Variants in FYB2 observed in about 807,000 individuals in gnomAD.
FYB2 encodes FYN-binding protein 2.
Under a neutral mutation model 94.1 loss-of-function variants are expected in FYB2, and 103 were observed. That is an observed-to-expected ratio of 1.09 (90% confidence interval 0.93 to 1.29). The LOEUF (loss-of-function observed/expected upper bound fraction) is 1.29, where lower values mean the gene tolerates loss of function less well. Among genes scored for constraint, FYB2 ranks in the 50% most tolerant of loss-of-function variants. The pLI is 0.00. For missense variants in FYB2, 896 were observed against 841.5 expected (o/e 1.06, Z -0.80); for synonymous variants, 293 against 287.9 (o/e 1.02, Z -0.18).
intron 17 of FYB2, among the ~76,000 whole-genome samples, chr1:56,723,224 C>G (rs12407569): frequency 6.7e-6 from 1 of 149,464 alleles, no homozygotes; most frequent in Non-Finnish European, 1.5e-5. Flanking sequence ...CACACACACA[C>G]GCACACACAC....
At chr1:56,816,384 G>C (rs1646882678) in intron 1 of FYB2, among the ~76,000 whole-genome samples, 2 of 152,194 alleles carry the variant, frequency 1.3e-5, no homozygotes, top group Non-Finnish European at 2.9e-5. Flanking sequence ...TTGGGGTAGA[G>C]ATTACTCACA....
upstream of FYB2, among the ~76,000 whole-genome samples, chr1:56,820,182 G>T (rs1248169570): frequency 6.8e-6 from 1 of 147,262 alleles, no homozygotes; most frequent in Non-Finnish European, 1.5e-5. Context: ...AGTGAGCCGA[G>T]ATCATGCCAC....
At chr1:56,800,357 C>T (rs1031835480) in intron 1 of FYB2, among the ~76,000 whole-genome samples, 7 of 151,978 alleles carry the variant, frequency 4.6e-5, no homozygotes, top group African/African-American at 1.7e-4. Flanking sequence ...ATTCTTGGTA[C>T]CAATGATTAA....
intron 1 of FYB2, among the ~76,000 whole-genome samples, chr1:56,816,956 C>G (rs1646897480): frequency 6.6e-6 from 1 of 151,756 alleles, no homozygotes. Context: ...CACTTCATTG[C>G]TAAGACTGGT....
chr1:56,801,337 G>A (rs1295665417), intron 1 of FYB2, among the ~76,000 whole-genome samples: 1 of 152,058 alleles, frequency 6.6e-6, no homozygotes, highest in Non-Finnish European at 1.5e-5. Flanking sequence ...ACCAACTCCT[G>A]CAAAGGGCAT....
rs1174463997 is a variant in FYB2, at chr1:56,787,360, A to C, written c.920-152T>G. The C allele has an allele frequency of 3.6e-6, 3 of 831,144 alleles. No individual in the cohort carries two copies. The African/African-American group carries it at 5.0e-5, about 14-fold the overall frequency. The allele number at this position is 831,144 out of a possible 1,614,324, so 51.5% of individuals were successfully genotyped here. A position where few individuals can be genotyped will look rare whatever the true frequency, so the allele number is the denominator to read the frequency against. Reference sequence around the variant, plus strand: ...ATCCCTTACCTCCACCCCAGCACCCAGGGGATGCCTGTCCCTGCATTGCAG... The same window carrying C: ...ATCCCTTACCTCCACCCCAGCACCCCGGGGATGCCTGTCCCTGCATTGCAG... On this transcript the variant is annotated intron_variant, in intron 3 of 19. Coordinates refer to ENST00000343433, the MANE Select transcript of FYB2 (RefSeq NM_001004303.5).
At chr1:56,731,239 T>C (rs1644702828) in intron 15 of FYB2, among the ~76,000 whole-genome samples, 1 of 152,142 alleles carries the variant, frequency 6.6e-6, no homozygotes, top group Non-Finnish European at 1.5e-5. Flanking sequence ...GATCGCTGGC[T>C]TGGGGGCAGG....
At chr1:56,796,664 C>G (rs147629154) in intron 1 of FYB2, among the ~76,000 whole-genome samples, 2 of 152,136 alleles carry the variant, frequency 1.3e-5, no homozygotes, top group Non-Finnish European at 2.9e-5. Context: ...AAGACCCATC[C>G]TAATCCCGAC....
chr1:56,730,126 AAAGG>A (rs113547447), intron 15 of FYB2, among the ~76,000 whole-genome samples: 2,520 of 151,998 alleles, frequency 0.017, 72 homozygotes, highest in African/African-American at 0.058. Context: ...AAGAATTAGA[AAAGG>A]AAGAACAAAC....
At chr1:56,780,428 GCC>G (rs1168897634) in intron 4 of FYB2, among the ~76,000 whole-genome samples, 1 of 152,026 alleles carries the variant, frequency 6.6e-6, no homozygotes, top group African/African-American at 2.4e-5. Context: ...ATTAAGCCTT[GCC>G]CTCTTTTGTT....
intron 1 of FYB2, among the ~76,000 whole-genome samples, chr1:56,804,501 G>A (rs1646594145): frequency 6.6e-6 from 1 of 152,180 alleles, no homozygotes. Flanking sequence ...GAGGTGAGCA[G>A]ATCACTGGAG....
intron 4 of FYB2, among the ~76,000 whole-genome samples, chr1:56,782,250 G>T (rs192427399): frequency 6.6e-6 from 1 of 152,182 alleles, no homozygotes; most frequent in East Asian, 1.9e-4. Context: ...TAATCAATCA[G>T]AGAGGCCTTT....
At chr1:56,825,698 G>C in the FYB2 span, among the ~76,000 whole-genome samples, 1 of 151,908 alleles carries the variant, frequency 6.6e-6, no homozygotes, top group East Asian at 1.9e-4. Flanking sequence ...CATGAAGTCC[G>C]GTCATTCCTG....
At chr1:56,811,928 C>CT (rs1646778003) in intron 1 of FYB2, among the ~76,000 whole-genome samples, 7 of 122,958 alleles carry the variant, frequency 5.7e-5, no homozygotes. Flanking sequence ...CTTTCCTAAC[C>CT]ATTTTTTTTT....
intron 12 of FYB2, among the ~76,000 whole-genome samples, chr1:56,741,845 C>A (rs1387667842): frequency 6.6e-6 from 1 of 151,994 alleles, no homozygotes; most frequent in Non-Finnish European, 1.5e-5. Context: ...ATTTACATCT[C>A]TTTTATTACT....
intron 15 of FYB2, among the ~76,000 whole-genome samples, chr1:56,733,301 T>C (rs1448362118): frequency 6.6e-6 from 1 of 152,102 alleles, no homozygotes; most frequent in Non-Finnish European, 1.5e-5. Flanking sequence ...TTTTATTGCA[T>C]CTATTTGATT....
chr1:56,772,922 A>G (rs955561131), intron 4 of FYB2, among the ~76,000 whole-genome samples: 5 of 152,152 alleles, frequency 3.3e-5, no homozygotes, highest in Admixed American at 1.3e-4. Flanking sequence ...AAAATTTTTT[A>G]TTAGTGGCAT....
intron 4 of FYB2, among the ~76,000 whole-genome samples, chr1:56,785,674 A>G (rs1226526145): frequency 6.6e-6 from 1 of 152,168 alleles, no homozygotes; most frequent in African/African-American, 2.4e-5. Flanking sequence ...CCATTTCTAT[A>G]CTTTCTACAC....
At chr1:56,795,938 T>C (rs1646387655) in intron 1 of FYB2, among the ~76,000 whole-genome samples, 1 of 152,214 alleles carries the variant, frequency 6.6e-6, no homozygotes, top group African/African-American at 2.4e-5. Context: ...GTTCATTAAG[T>C]ATCTACATAC....
Sources: allele counts gnomAD v4.1 joint callset (sites outside exome capture counted in the v4.1 genomes callset), GRCh38; gene constraint gnomAD v4.1.1; transcripts MANE v1.5; gene names NCBI Gene and HGNC (gene_info 2026-07-23, HGNC 2026-07-21).